SACM1L: variants seen among roughly 807,000 people sequenced by gnomAD.
SACM1L encodes the protein SAC1 like phosphatidylinositide phosphatase.
In SACM1L, 32 loss-of-function variants were observed where a neutral mutation model predicts 89.5. That is an observed-to-expected ratio of 0.36 (90% confidence interval 0.27 to 0.48). SACM1L has a LOEUF of 0.48. Among genes scored for constraint, SACM1L ranks in the 20% least tolerant of loss-of-function variants. The probability of loss-of-function intolerance (pLI) is 0.99; values close to 1 mark genes in which losing one functional copy is unlikely to be tolerated. For missense variants in SACM1L, 543 were observed against 708.5 expected (o/e 0.77, Z 2.65); for synonymous variants, 213 against 232.8 (o/e 0.92, Z 0.77).
At chr3:45,725,871 CT>C (rs1698906668) in intron 11 of SACM1L, among the ~76,000 whole-genome samples, 1 of 151,924 alleles carries the variant, frequency 6.6e-6, no homozygotes, top group African/African-American at 2.4e-5. Flanking sequence ...AACTTTTCTT[CT>C]TTTTCTAAGT....
intron 19 of SACM1L, 102 bp from the exon 20 acceptor site, chr3:45,743,431 T>G: frequency 1.7e-6 from 2 of 1,181,290 alleles, no homozygotes. Context: ...CCTGTGAATG[T>G]GCTAGTAAAC....
At chr3:45,723,597 A>G (rs990866305) in intron 11 of SACM1L, 54 bp downstream of exon 11, 2 of 983,180 alleles carry the variant, frequency 2.0e-6, no homozygotes, top group South Asian at 2.2e-5. Context: ...TTTTCTTGAC[A>G]GAAAATTTAC....
At chr3:45,740,545 C>A (rs1332293231) in intron 19 of SACM1L, among the ~76,000 whole-genome samples, 3 of 152,264 alleles carry the variant, frequency 2.0e-5, no homozygotes, top group Non-Finnish European at 4.4e-5. Context: ...TTTCCTTTGG[C>A]ATAGTAAATT....
At chr3:45,700,590 T>G (rs1698242602) in intron 1 of SACM1L, among the ~76,000 whole-genome samples, 1 of 152,222 alleles carries the variant, frequency 6.6e-6, no homozygotes, top group South Asian at 2.1e-4. Context: ...AGTCCCCTCT[T>G]AGTGCTGAGC....
At chr3:45,706,536 T>C (rs1322431116) in intron 3 of SACM1L, among the ~76,000 whole-genome samples, 1 of 152,162 alleles carries the variant, frequency 6.6e-6, no homozygotes, top group Non-Finnish European at 1.5e-5. Context: ...ATCCTTTGGT[T>C]ATGAAAAGCT....
intron 16 of SACM1L, 136 bp downstream of exon 16, chr3:45,737,980 G>A: frequency 1.5e-6 from 1 of 688,588 alleles, no homozygotes; most frequent in Non-Finnish European, 2.5e-6. Context: ...CTTGAGACCT[G>A]TGGAGTCAGG....
Position 45,731,352 on chromosome 3 carries a change from G to A in SACM1L, c.973G>A (p.Val325Met), listed in dbSNP as rs1361916977. ...KPLEQTFATM[V>M]SSLGSGMMRY... The stretch of plus-strand genomic sequence containing the variant: ...ACTTGAGCAGACATTTGCAACAATG[G>A]TGTCTTCCTTGGGAAGTGGAATGAT... Residue 325 changes from valine to methionine, a missense_variant, in exon 12 of 20, where the codon GTG becomes ATG. Physicochemically the swap from Val to Met is conservative, Grantham distance 21. This residue lies in a region of SACM1L where 370 missense variants were observed against 527.6 expected (regional missense o/e 0.70). Transcript: ENST00000389061. The A allele has an allele frequency of 6.8e-6, 11 of 1,613,226 alleles. No individual in the cohort carries two copies. Among genetic ancestry groups the A allele is most frequent in the Non-Finnish European group, 9.3e-6 (11 of 1,179,492 alleles).
At position 45,722,942 on chromosome 3, in the gene SACM1L, A is replaced by G; in HGVS notation, c.839A>G (p.Lys280Arg). The change falls in exon 10 of 20, where the codon AAA becomes AGA. Residue 280 changes from lysine to arginine, a missense_variant. Physicochemically the swap from Lys to Arg is conservative, Grantham distance 26. Coordinates refer to ENST00000389061, the MANE Select transcript of SACM1L (RefSeq NM_014016.5). Reference sequence around the variant, plus strand: ...TACAAACCACTGCCACAGATCAGCAAAGTAGCAAATCACGTGTGTATCTTG... The same window carrying G: ...TACAAACCACTGCCACAGATCAGCAGAGTAGCAAATCACGTGTGTATCTTG... ...LKYKPLPQIS[K>R]VANHMDGFQR... 1 of 1,613,428 alleles carries G rather than the reference A, an allele frequency of 6.2e-7. No homozygotes were observed. The highest frequency in any genetic ancestry group is 1.1e-5 in the South Asian group (1 of 91,024).
rs185377042 is a variant in SACM1L at position 45,713,887 on chromosome 3, T to C, written c.544-159T>C. On this transcript the variant is annotated intron_variant, in intron 6 of 19. Transcript: ENST00000389061. The stretch of plus-strand genomic sequence containing the variant: ...TTCAAGCTCAAATGATTGTAATGCA[T>C]ACTTAATGTTACATTAGAGAAATCT... 54 of 359,412 alleles carry C rather than the reference T, an allele frequency of 1.5e-4. 1 individual carries two copies. The highest frequency in any genetic ancestry group is 1.0e-3 in the African/African-American group (47 of 47,178). 22.3% of individuals were successfully genotyped at this position (359,412 alleles called of 1,614,324 possible).
intron 7 of SACM1L, among the ~76,000 whole-genome samples, chr3:45,715,666 C>A (rs1405249746): frequency 6.6e-6 from 1 of 151,482 alleles, no homozygotes; most frequent in African/African-American, 2.4e-5. Context: ...GCCAGCTACT[C>A]GGGAGACTGA....
intron 14 of SACM1L, among the ~76,000 whole-genome samples, chr3:45,736,186 G>A (rs1035309167): frequency 1.6e-4 from 24 of 151,878 alleles, no homozygotes; most frequent in African/African-American, 2.4e-4. Context: ...TTTCTATTTC[G>A]TTAATACAAA....
chr3:45,711,247 G>A (rs1698521605), intron 5 of SACM1L, among the ~76,000 whole-genome samples: 1 of 152,144 alleles, frequency 6.6e-6, no homozygotes, highest in Non-Finnish European at 1.5e-5. Context: ...TGGGCCGGGG[G>A]GTTCCAGGCA....
At chr3:45,702,337 T>C (rs901715744) in intron 1 of SACM1L, among the ~76,000 whole-genome samples, 1 of 152,134 alleles carries the variant, frequency 6.6e-6, no homozygotes, top group African/African-American at 2.4e-5. Flanking sequence ...TTGAATGAGA[T>C]TTTTCATAGG....
chr3:45,691,192 G>A (rs1288997523), intron 1 of SACM1L, among the ~76,000 whole-genome samples: 1 of 152,142 alleles, frequency 6.6e-6, no homozygotes, highest in Non-Finnish European at 1.5e-5. Flanking sequence ...TCAAACTGGG[G>A]TTATGTGAAA....
chr3:45,719,433 T>TG lies in SACM1L; in HGVS notation c.578-66dup, dbSNP rs887744489. The TG allele has an allele frequency of 1.9e-5, 17 of 883,536 alleles. No individual in the cohort carries two copies. In the African/African-American group the frequency reaches 2.5e-4, roughly 13 times the overall value. The allele number at this position is 883,536 out of a possible 1,614,324, so 54.7% of individuals were successfully genotyped here. Reference sequence around the variant, plus strand: ...AAAGACCATCATTAGGATAGATAGATGCAAACAATCTAGAAACAATGCTTA... The same window carrying TG: ...AAAGACCATCATTAGGATAGATAGATGGCAAACAATCTAGAAACAATGCTTA... On this transcript the variant is annotated intron_variant, in intron 7 of 19. Transcript: ENST00000389061.
chr3:45,693,082 C>T (rs1399078872), intron 1 of SACM1L, among the ~76,000 whole-genome samples: 1 of 152,174 alleles, frequency 6.6e-6, no homozygotes, highest in African/African-American at 2.4e-5. Context: ...CAAACCTGTA[C>T]AGCAGGTTAC....
intron 14 of SACM1L, among the ~76,000 whole-genome samples, chr3:45,735,858 A>G (rs1183220219): frequency 1.3e-5 from 2 of 152,056 alleles, no homozygotes; most frequent in Non-Finnish European, 2.9e-5. Flanking sequence ...AGCATTTGAT[A>G]TTTTAATTTT....
chr3:45,693,490 C>T (rs1474324975), intron 1 of SACM1L, among the ~76,000 whole-genome samples: 1 of 152,200 alleles, frequency 6.6e-6, no homozygotes, highest in African/African-American at 2.4e-5. Flanking sequence ...TGTATATTGT[C>T]TTCCCAGTGT....
At chr3:45,709,696 A>G (rs1237284984) in intron 5 of SACM1L, 49 bp downstream of exon 5, 2 of 1,518,040 alleles carry the variant, frequency 1.3e-6, no homozygotes, top group Non-Finnish European at 9.0e-7. Flanking sequence ...TAAAAGGGAC[A>G]TGTCTCTGTT....
Sources: gnomAD v4.1 joint callset for allele counts (sites outside exome capture counted in the v4.1 genomes callset) on GRCh38, gnomAD v4.1.1 for gene constraint, gnomAD v4.1.1 regional missense constraint, MANE v1.5 for transcripts, NCBI Gene and HGNC (gene_info 2026-07-23, HGNC 2026-07-21) for gene names.